The following MYO7A variants were observed in gnomAD, a reference collection of about 807,000 sequenced individuals.
The protein encoded by MYO7A is unconventional myosin-VIIa.
MYO7A carries 210 observed loss-of-function variants against 263.8 expected under a neutral mutation model. The ratio of observed to expected loss-of-function variants is 0.80; its 90% confidence interval spans 0.71 to 0.89. The LOEUF is 0.89. Ranked by LOEUF, MYO7A falls within the 40% of genes least tolerant of loss-of-function variation. MYO7A has a pLI of 0.00. For synonymous variants in MYO7A, 1,239 were observed against 1,197.3 expected, an observed-to-expected ratio of 1.03 and a Z score of -0.72; for missense variants, 2,820 against 2,968.3, an observed-to-expected ratio of 0.95 and a Z score of 1.16.
rs371789688 is a variant in MYO7A, at chr11:77,194,359, C to A, written c.4158C>A (p.Asp1386Glu). The A allele has an allele frequency of 1.2e-5, 20 of 1,611,358 alleles. No individual in the cohort carries two copies. The highest frequency in any genetic ancestry group is 1.6e-5 in the Non-Finnish European group (19 of 1,178,848). Residue 1386 changes from aspartate (D) to glutamate (E), a missense_variant, in exon 32 of 49, where the codon GAC becomes GAA. Asp to Glu is a conservative substitution (Grantham distance 45). Coordinates refer to ENST00000409709, the MANE Select transcript of MYO7A (RefSeq NM_000260.4). The part of the protein sequence containing the change: ...KFGEYRCEKE[D>E]DLAELASQQY... ...CGAGGCCTCCCCCCACCTAGGAGGACGACCTGGCTGAGCTGGCCTCCCAGC... is the reference window on the plus strand; with the variant it reads ...CGAGGCCTCCCCCCACCTAGGAGGAAGACCTGGCTGAGCTGGCCTCCCAGC...
rs1050186501 is a variant in MYO7A at position 77,150,111 on chromosome 11, A to G, written c.285+2161A>G. ...GTACTTCCAGGGCCAGTGTTTTGTC[A>G]TTGTCCCTATGCTGAGGCTGGAACC... On this transcript the variant is annotated intron_variant, in intron 4 of 48. Coordinates refer to ENST00000409709, the MANE Select transcript of MYO7A (RefSeq NM_000260.4). Among the ~76,000 whole-genome samples, 11 of 152,028 alleles carry G rather than the reference A, an allele frequency of 7.2e-5. No individual in the cohort carries two copies. In the East Asian group the frequency reaches 2.1e-3, roughly 29 times the overall value.
intron 40 of MYO7A, 102 bp downstream of exon 40, chr11:77,205,719 G>A (rs911852812): frequency 6.7e-7 from 1 of 1,488,672 alleles, no homozygotes; most frequent in Non-Finnish European, 9.1e-7. Context: ...CATAGCAGTT[G>A]GGCCCACCCC....
In MYO7A at chr11:77,157,392, G is replaced by A. The variant is rs1280774223; in HGVS notation, c.849G>A (p.Met283Ile). 1.9e-6 allele frequency: 3 copies of A among 1,601,450 alleles called. No individual in the cohort carries two copies. The highest frequency in any genetic ancestry group is 1.7e-6 in the Non-Finnish European group (2 of 1,173,764). Residue 283 changes from methionine (M) to isoleucine (I), a missense_variant and splice_region_variant, in exon 8 of 49, where the codon ATG becomes ATA. Met to Ile is a conservative substitution (Grantham distance 10). Transcript: ENST00000409709. ...CCTCTGACTACAACTACTTGGCCAT[G>A]GTGAGGCCCAGGTGGGCCCCTGGGT... ...GQASDYNYLA[M>I]GNCITCEGRV... is the part of the protein sequence containing the mutation.
In MYO7A at chr11:77,156,114, G is replaced by A. The variant is rs782324937; in HGVS notation, c.470+23G>A. ...CAGGTGGGCGGCCCAGCACCTGTGT[G>A]GAGCTCCAGGCTTAGGACCTAGAGC... On this transcript the variant is annotated intron_variant, in intron 5 of 48. Transcript: ENST00000409709. 5 of 1,611,242 alleles carry A rather than the reference G, an allele frequency of 3.1e-6. No homozygotes were observed. In the Admixed American group the frequency reaches 8.4e-5, roughly 27 times the overall value.
At position 77,192,209 on chromosome 11, in the gene MYO7A, C is replaced by G; in HGVS notation, c.4083C>G (p.Asn1361Lys). 6.2e-7 allele frequency: 1 copy of G among 1,614,064 alleles called. No individual in the cohort carries two copies. The change falls in exon 31 of 49, where the codon AAC becomes AAG. Residue 1361 changes from asparagine (N) to lysine (K), a missense_variant. Coordinates refer to ENST00000409709, the MANE Select transcript of MYO7A (RefSeq NM_000260.4). ...CCTGGCACAGCCCCTCCGAGGACAA[C>G]GTGGCCACCAACCTCATCTACCAGC... ...FTPWHSPSEDNVATNLIYQQV... is the reference protein window; with the variant it reads ...FTPWHSPSEDKVATNLIYQQV...
intron 27 of MYO7A, 28 bp downstream of exon 27, chr11:77,184,743 G>A: frequency 2.1e-6 from 1 of 473,980 alleles, no homozygotes; most frequent in African/African-American, 4.1e-5. Context: ...GGGACACCAG[G>A]GCCTGAAAGT....
intron 1 of MYO7A, among the ~76,000 whole-genome samples, chr11:77,129,326 G>A (rs1950695693): frequency 6.6e-6 from 1 of 152,246 alleles, no homozygotes; most frequent in Non-Finnish European, 1.5e-5. Flanking sequence ...TGGGTTTGCT[G>A]TGTCCCAGAG....
At chr11:77,205,724 C>A in intron 40 of MYO7A, 107 bp downstream of exon 40, 1 of 1,456,604 alleles carries the variant, frequency 6.9e-7, no homozygotes, top group Non-Finnish European at 9.3e-7. Flanking sequence ...CAGTTGGGCC[C>A]ACCCCTGGGG....
At chr11:77,208,118 C>T (rs1957583856) in intron 42 of MYO7A, among the ~76,000 whole-genome samples, 1 of 152,218 alleles carries the variant, frequency 6.6e-6, no homozygotes, top group African/African-American at 2.4e-5. Context: ...GCAGGAGGAG[C>T]TGGACATGGA....
At chr11:77,143,825 G>A (rs1222042508) in intron 3 of MYO7A, among the ~76,000 whole-genome samples, 1 of 152,168 alleles carries the variant, frequency 6.6e-6, no homozygotes, top group East Asian at 1.9e-4. Flanking sequence ...TTGAAACTGA[G>A]GCTCTGCTGG....
intron 4 of MYO7A, among the ~76,000 whole-genome samples, chr11:77,150,262 G>A (rs764600999): frequency 2.6e-4 from 39 of 152,382 alleles, no homozygotes; most frequent in Non-Finnish European, 5.1e-4. Context: ...GGGGCATGAA[G>A]CATGTGGGTC....
chr11:77,147,266 T>A (rs528391073), intron 3 of MYO7A, among the ~76,000 whole-genome samples: 11 of 151,980 alleles, frequency 7.2e-5, no homozygotes, highest in Non-Finnish European at 1.0e-4. Context: ...TCTTCCTTCA[T>A]GCCTCAGCTC....
chr11:77,140,950 A>G (rs1476265954), intron 2 of MYO7A, among the ~76,000 whole-genome samples: 1 of 152,236 alleles, frequency 6.6e-6, no homozygotes, highest in Non-Finnish European at 1.5e-5. Context: ...CATAGATGGC[A>G]GTGGTCCCAT....
At chr11:77,181,346 AC>A in intron 22 of MYO7A, 33 bp from the exon 23 acceptor site, 1 of 1,530,440 alleles carries the variant, frequency 6.5e-7, no homozygotes, top group Non-Finnish European at 8.8e-7. Flanking sequence ...CCGGGGGCTG[AC>A]CCCGTGTCTT....
Position 77,180,379 on chromosome 11 carries a change from G to C in MYO7A, c.2592G>C (p.Leu864=). The C allele has an allele frequency of 6.2e-7, 1 of 1,612,342 alleles. No homozygotes were observed. ...RLHQRLRAEY[L]WRLEAEKMRL... The stretch of plus-strand genomic sequence containing the variant: ...TGGATGCCCCCTTCCCTCAGTATCT[G>C]TGGCGCCTCGAGGCTGAGAAAATGC... Residue 864 remains leucine (L), a synonymous_variant, in exon 22 of 49, where the codon CTG becomes CTC. Transcript: ENST00000409709.
Position 77,201,458 on chromosome 11 carries a change from G to A in MYO7A, c.4863G>A (p.Glu1621=), listed in dbSNP as rs1332361333. 1.2e-6 allele frequency: 2 copies of A among 1,613,796 alleles called. No individual in the cohort carries two copies. The highest frequency in any genetic ancestry group is 1.7e-6 in the Non-Finnish European group (2 of 1,179,820). ...ACCTCTGCTCTACAGCAGGCGAGGA[G>A]TCAGGCTTCCTCAGCTTTGCCAAGG... ...LQDNPNPAGE[E]SGFLSFAKGD... Residue 1621 remains glutamate (E), a synonymous_variant, in exon 36 of 49, where the codon GAG becomes GAA. Coordinates refer to ENST00000409709, the MANE Select transcript of MYO7A (RefSeq NM_000260.4).
At position 77,190,744 on chromosome 11, in the gene MYO7A, TG is replaced by T; in HGVS notation, c.3801del (p.Thr1268ProfsTer6). The T allele has an allele frequency of 6.3e-7, 1 of 1,599,474 alleles. No homozygotes were observed. Reference sequence around the variant, plus strand: ...TCATGTTGCCCGTGACATTCATGGATGGGACCACCAAGACCCTGCTGACGGA... The same window carrying T: ...TCATGTTGCCCGTGACATTCATGGATGGACCACCAAGACCCTGCTGACGGA... Reference protein sequence around the residue: ...PIMLPVTFMDGTTKTLLTDSA... With the variant: ...PIMLPVTFMDXTTKTLLTDSA... On this transcript the variant is annotated frameshift_variant, in exon 30 of 49. Transcript: ENST00000409709. LOFTEE classifies it high-confidence loss of function.
chr11:77,197,901 A>G (rs1204932216), intron 33 of MYO7A, among the ~76,000 whole-genome samples: 3 of 152,012 alleles, frequency 2.0e-5, no homozygotes, highest in Non-Finnish European at 4.4e-5. Flanking sequence ...TGCCTCCCCA[A>G]CACCCGGTAG....
chr11:77,213,072 C>G, intron 47 of MYO7A, 37 bp downstream of exon 47: 1 of 1,520,466 alleles, frequency 6.6e-7, no homozygotes, highest in Middle Eastern at 1.7e-4. Flanking sequence ...GGGCGGGCTT[C>G]TCTGCCTGAA....
Sources: allele counts gnomAD v4.1 joint callset (sites outside exome capture counted in the v4.1 genomes callset), GRCh38; gene constraint gnomAD v4.1.1; transcripts MANE v1.5; gene names NCBI Gene and HGNC (gene_info 2026-07-23, HGNC 2026-07-21).